ARID2: variants seen among roughly 807,000 people sequenced by gnomAD.
ARID2 encodes AT-rich interaction domain 2.
A neutral mutation model predicts 184.6 loss-of-function variants in ARID2; 32 were observed. That is an observed-to-expected ratio of 0.17 (90% CI 0.13 to 0.23). The LOEUF is 0.23. Ranked by LOEUF, ARID2 falls within the 10% of genes least tolerant of loss-of-function variation. The pLI is 1.00. For synonymous variants in ARID2, 836 were observed against 772.6 expected (o/e 1.08, Z -1.36); for missense variants, 1,696 against 2,197.6 (o/e 0.77, Z 4.56).
intron 3 of ARID2, among the ~76,000 whole-genome samples, chr12:45,742,441 G>A (rs1014229471): frequency 2.6e-5 from 4 of 152,066 alleles, no homozygotes; most frequent in Admixed American, 6.6e-5. Flanking sequence ...GTGTAAGTGC[G>A]TTTTGTGATG....
chr12:45,786,034 A>C (rs1942191664), intron 3 of ARID2, among the ~76,000 whole-genome samples: 1 of 152,194 alleles, frequency 6.6e-6, no homozygotes, highest in Admixed American at 6.5e-5. Context: ...AAAAACCTTT[A>C]TTTAATGCCC....
intron 6 of ARID2, among the ~76,000 whole-genome samples, chr12:45,822,645 T>C (rs1394454786): frequency 6.6e-6 from 1 of 152,174 alleles, no homozygotes; most frequent in Non-Finnish European, 1.5e-5. Flanking sequence ...TGGTGTTTGA[T>C]TAATCACTTA....
chr12:45,899,379 C>T (rs1458625004), intron 20 of ARID2, among the ~76,000 whole-genome samples: 1 of 147,202 alleles, frequency 6.8e-6, no homozygotes, highest in Non-Finnish European at 1.5e-5. Flanking sequence ...CCAAGGCGGG[C>T]AGATCACGAG....
chr12:45,748,487 CT>C (rs1199547676), intron 3 of ARID2, among the ~76,000 whole-genome samples: 4 of 152,178 alleles, frequency 2.6e-5, no homozygotes. Context: ...GGTGAAAGGT[CT>C]TGCCTTGATA....
chr12:45,736,306 G>A (rs1373935996), intron 3 of ARID2, among the ~76,000 whole-genome samples: 4 of 151,230 alleles, frequency 2.6e-5, no homozygotes, highest in African/African-American at 4.9e-5. Context: ...GCAGTGAGCC[G>A]AGATCGTGCC....
intron 16 of ARID2, among the ~76,000 whole-genome samples, chr12:45,890,312 C>T (rs1368309206): frequency 6.6e-6 from 1 of 152,142 alleles, no homozygotes; most frequent in Non-Finnish European, 1.5e-5. Flanking sequence ...TGCAAATAAA[C>T]TTGATTAATT....
chr12:45,847,285 AT>A (rs750303172), intron 12 of ARID2, among the ~76,000 whole-genome samples: 1 of 152,100 alleles, frequency 6.6e-6, no homozygotes, highest in Non-Finnish European at 1.5e-5. Flanking sequence ...TAAAATTAAC[AT>A]TTTGTTAAAA....
At chr12:45,800,227 A>G (rs991485632) in intron 3 of ARID2, among the ~76,000 whole-genome samples, 6 of 152,204 alleles carry the variant, frequency 3.9e-5, no homozygotes, top group Admixed American at 2.6e-4. Flanking sequence ...AAATAGATAC[A>G]ATAACGTGGC....
At chr12:45,742,047 A>C (rs1278175587) in intron 3 of ARID2, among the ~76,000 whole-genome samples, 1 of 152,170 alleles carries the variant, frequency 6.6e-6, no homozygotes, top group Non-Finnish European at 1.5e-5. Context: ...ATATATGTTC[A>C]TCTTCTCAGT....
At chr12:45,863,851 T>C (rs1943791843) in intron 16 of ARID2, among the ~76,000 whole-genome samples, 1 of 4,538 alleles carries the variant, frequency 2.2e-4, no homozygotes, top group Admixed American at 4.9e-3. Flanking sequence ...TTTCCCTTTT[T>C]TTTTTGTTTT....
In ARID2 at chr12:45,806,280, T is replaced by G. The variant is rs1020867267; in HGVS notation, c.285-5138T>G. On this transcript the variant is annotated intron_variant, in intron 3 of 20. Transcript: ENST00000334344. ...CTTCTCTATTTTTGAAGCTTAAATC[T>G]TTGATCAAGATGTATCTGAGTATTT... 2.0e-5 allele frequency among the ~76,000 whole-genome samples: 3 copies of G among 152,230 alleles called. No homozygotes were observed. The East Asian group carries it at 5.8e-4, about 29-fold the overall frequency.
At chr12:45,888,028 T>C (rs560233256) in intron 16 of ARID2, among the ~76,000 whole-genome samples, 34 of 152,196 alleles carry the variant, frequency 2.2e-4, no homozygotes, top group South Asian at 4.1e-4. Context: ...ACCCTGTCTC[T>C]ACTAAAAATA....
intron 3 of ARID2, among the ~76,000 whole-genome samples, chr12:45,743,228 G>A (rs950100399): frequency 4.1e-4 from 63 of 151,954 alleles, no homozygotes; most frequent in African/African-American, 1.5e-3. Flanking sequence ...AATTAGCCAG[G>A]TGCTGTGGTG....
At chr12:45,889,224 G>T (rs1944250517) in intron 16 of ARID2, among the ~76,000 whole-genome samples, 1 of 152,108 alleles carries the variant, frequency 6.6e-6, no homozygotes, top group South Asian at 2.1e-4. Flanking sequence ...TATTACTCTG[G>T]AGTGGCAGCA....
chr12:45,753,939 T>G (rs1332089468), intron 3 of ARID2, among the ~76,000 whole-genome samples: 1 of 152,240 alleles, frequency 6.6e-6, no homozygotes, highest in Non-Finnish European at 1.5e-5. Context: ...TAGTGACTTT[T>G]GCCATTTTCA....
intron 3 of ARID2, among the ~76,000 whole-genome samples, chr12:45,804,636 G>A (rs1760173073): frequency 6.6e-6 from 1 of 151,986 alleles, no homozygotes; most frequent in Admixed American, 6.6e-5. Context: ...CAATGGAAAT[G>A]TCTGTTCTTG....
Position 45,905,368 on chromosome 12 carries a change from T to A in ARID2, c.*290T>A. The A allele has an allele frequency of 3.4e-6, 1 of 296,666 alleles. No homozygotes were observed. Among genetic ancestry groups the A allele is most frequent in the Non-Finnish European group, 6.3e-6 (1 of 158,650 alleles). The allele number at this position is 296,666 out of a possible 1,614,324, so 18.4% of individuals were successfully genotyped here. ...TCTGATAAATCCTGATGGAAACTGGTATGATCAGAATTCAGTACCATCCAC... is the reference window on the plus strand; with the variant it reads ...TCTGATAAATCCTGATGGAAACTGGAATGATCAGAATTCAGTACCATCCAC... On this transcript the variant is annotated 3_prime_UTR_variant, in exon 21 of 21. Coordinates refer to ENST00000334344, the MANE Select transcript of ARID2 (RefSeq NM_152641.4).
At chr12:45,771,816 A>AATTTGAAG (rs1318812187) in intron 3 of ARID2, among the ~76,000 whole-genome samples, 2 of 152,130 alleles carry the variant, frequency 1.3e-5, no homozygotes, top group African/African-American at 4.8e-5. Context: ...TCTTGATGGT[A>AATTTGAAG]ATTTGAAGCC....
At position 45,851,096 on chromosome 12, in the gene ARID2, C is replaced by T. The variant is rs371439881; in HGVS notation, c.2973C>T (p.Ser991=). The T allele has an allele frequency of 4.3e-6, 7 of 1,614,114 alleles. No homozygotes were observed. The Admixed American group carries it at 1.0e-4, about 23-fold the overall frequency. ...AAGTCCCTACTGCCATGTCGTCGTC[C>T]TCTACCCCTCAATCACAGGGACCAC... ...NNQVPTAMSS[S]STPQSQGPPP... The change falls in exon 15 of 21, where the codon TCC becomes TCT. Residue 991 remains serine, a synonymous_variant. Coordinates refer to ENST00000334344, the MANE Select transcript of ARID2 (RefSeq NM_152641.4).
Sources: gnomAD v4.1 joint callset for allele counts (sites outside exome capture counted in the v4.1 genomes callset) on GRCh38, gnomAD v4.1.1 for gene constraint, MANE v1.5 for transcripts, NCBI Gene and HGNC (gene_info 2026-07-23, HGNC 2026-07-21) for gene names.